ROBO2: variants seen among roughly 807,000 people sequenced by gnomAD.
ROBO2 encodes roundabout homolog 2.
In ROBO2, 53 loss-of-function variants were observed where a neutral mutation model predicts 160.8. The observed-to-expected ratio is 0.33, with a 90% CI of 0.26 to 0.41. ROBO2 has a LOEUF of 0.41. Among genes scored for constraint, ROBO2 ranks in the 10% least tolerant of loss-of-function variants. ROBO2 has a pLI of 1.00. For synonymous variants in ROBO2, 664 were observed against 611.7 expected (o/e 1.09, Z -1.26); for missense variants, 1,577 against 1,722.4 (o/e 0.92, Z 1.49).
intron 5 of ROBO2, among the ~76,000 whole-genome samples, chr3:77,516,437 C>T (rs960767214): frequency 7.3e-5 from 11 of 151,372 alleles, no homozygotes; most frequent in African/African-American, 2.7e-4. Context: ...TTGAAAGCTC[C>T]CTGCCAAAAT....
At chr3:76,713,745 A>G (rs979703947) in intron 2 of ROBO2, among the ~76,000 whole-genome samples, 4 of 152,170 alleles carry the variant, frequency 2.6e-5, no homozygotes, top group Non-Finnish European at 5.9e-5. Context: ...TCTTTATTCA[A>G]CATTAACAAC....
rs555003605 is a variant in ROBO2 at position 76,321,663 on chromosome 3, C to T, written c.109+384061C>T. 2.6e-5 allele frequency among the ~76,000 whole-genome samples: 4 copies of T among 152,290 alleles called. No individual in the cohort carries two copies. The South Asian group carries it at 8.3e-4, about 32-fold the overall frequency. On this transcript the variant is annotated intron_variant, in intron 2 of 26. Coordinates refer to the ROBO2 transcript ENST00000487694. ...ATTTAGGGGACAGTCAAGTAACCTA[C>T]CCCCATTCTAATGGACAGTGTGTTG...
At chr3:76,230,095 G>A (rs573811868) in intron 2 of ROBO2, among the ~76,000 whole-genome samples, 5 of 152,094 alleles carry the variant, frequency 3.3e-5, no homozygotes, top group Non-Finnish European at 7.4e-5. Flanking sequence ...ATGCCATCAG[G>A]TGTCAGCTCC....
At position 76,679,955 on chromosome 3, in the gene ROBO2, G is replaced by T. The variant is rs114709490; in HGVS notation, c.110-418059G>T. Among the ~76,000 whole-genome samples, 295 of 152,272 alleles carry T rather than the reference G, an allele frequency of 1.9e-3. 5 individuals carry two copies. Among genetic ancestry groups the T allele is most frequent in the South Asian group, 3.1e-3 (15 of 4,824 alleles). ...TTCCAGAGCCATTGGGATTAGAGATGCTGGATTTTGTGGTGCTCTGAGTGT... is the reference window on the plus strand; with the variant it reads ...TTCCAGAGCCATTGGGATTAGAGATTCTGGATTTTGTGGTGCTCTGAGTGT... On this transcript the variant is annotated intron_variant, in intron 2 of 26. Coordinates refer to the ROBO2 transcript ENST00000487694.
At chr3:77,602,369 C>G in exon 20 of ROBO2, 1 of 1,614,126 alleles carries the variant, frequency 6.2e-7, no homozygotes, top group Non-Finnish European at 8.5e-7. Context: ...ATCTTGCATT[C>G]CAACAGCATA....
intron 2 of ROBO2, among the ~76,000 whole-genome samples, chr3:76,826,354 A>G (rs1184142072): frequency 1.3e-5 from 2 of 152,094 alleles, no homozygotes; most frequent in Non-Finnish European, 2.9e-5. Flanking sequence ...TGTAGGTGCA[A>G]TGTTGCCCAT....
At chr3:76,163,090 G>A (rs2072700709) in intron 2 of ROBO2, among the ~76,000 whole-genome samples, 2 of 152,062 alleles carry the variant, frequency 1.3e-5, no homozygotes, top group Non-Finnish European at 2.9e-5. Flanking sequence ...CTTTCTTCAT[G>A]AAGGATCATA....
At chr3:77,195,346 TATAAAC>T (rs1286561113) in intron 2 of ROBO2, among the ~76,000 whole-genome samples, 5 of 152,166 alleles carry the variant, frequency 3.3e-5, no homozygotes, top group African/African-American at 4.8e-5. Flanking sequence ...ATTAAGCAGT[TATAAAC>T]AGAATGATGT....
intron 2 of ROBO2, among the ~76,000 whole-genome samples, chr3:76,412,699 G>C (rs753467948): frequency 1.3e-4 from 20 of 152,322 alleles, no homozygotes; most frequent in Non-Finnish European, 1.9e-4. Context: ...GGATTCCCAT[G>C]GTCTTGCACA....
intron 2 of ROBO2, among the ~76,000 whole-genome samples, chr3:76,045,471 G>C (rs2067418796): frequency 6.6e-6 from 1 of 152,002 alleles, no homozygotes; most frequent in South Asian, 2.1e-4. Context: ...GGGAGATTTG[G>C]AGACACAAGT....
chr3:76,478,546 C>T (rs2079051657), intron 2 of ROBO2, among the ~76,000 whole-genome samples: 1 of 152,022 alleles, frequency 6.6e-6, no homozygotes. Context: ...GCAGCTGCTA[C>T]TTCTAAATGG....
intron 2 of ROBO2, among the ~76,000 whole-genome samples, chr3:76,913,727 T>C (rs999137623): frequency 2.0e-5 from 3 of 152,212 alleles, no homozygotes; most frequent in African/African-American, 7.2e-5. Context: ...CCAACTTCTT[T>C]CTAGCGAATA....
At chr3:76,679,356 T>C (rs1232837045) in intron 2 of ROBO2, among the ~76,000 whole-genome samples, 1 of 152,160 alleles carries the variant, frequency 6.6e-6, no homozygotes, top group Non-Finnish European at 1.5e-5. Flanking sequence ...AATCAATGTT[T>C]ATATTTTGTG....
At chr3:76,071,261 T>G (rs975100028) in intron 2 of ROBO2, among the ~76,000 whole-genome samples, 1 of 152,198 alleles carries the variant, frequency 6.6e-6, no homozygotes, top group Non-Finnish European at 1.5e-5. Context: ...GTTCTTTGGA[T>G]TCCCACAAAA....
intron 2 of ROBO2, among the ~76,000 whole-genome samples, chr3:76,517,896 C>A (rs2081417495): frequency 6.6e-6 from 1 of 151,956 alleles, no homozygotes; most frequent in African/African-American, 2.4e-5. Context: ...TTTAAATTAT[C>A]CTTAAAATTA....
chr3:77,331,327 C>A (rs1215933305), intron 2 of ROBO2, among the ~76,000 whole-genome samples: 1 of 152,124 alleles, frequency 6.6e-6, no homozygotes, highest in Non-Finnish European at 1.5e-5. Context: ...CTGCCTAGTG[C>A]CTTAGGGAGA....
At chr3:76,887,987 T>C (rs774494462) in intron 2 of ROBO2, among the ~76,000 whole-genome samples, 1 of 152,166 alleles carries the variant, frequency 6.6e-6, no homozygotes, top group Non-Finnish European at 1.5e-5. Context: ...TCAAAATATT[T>C]TTCTGACTTT....
intron 2 of ROBO2, among the ~76,000 whole-genome samples, chr3:76,577,949 T>C (rs1275757420): frequency 6.6e-6 from 1 of 152,160 alleles, no homozygotes; most frequent in Non-Finnish European, 1.5e-5. Context: ...CTGCCTTCCT[T>C]CCCATGCACT....
intron 2 of ROBO2, among the ~76,000 whole-genome samples, chr3:75,963,624 T>G (rs895837330): frequency 1.3e-5 from 2 of 151,878 alleles, no homozygotes; most frequent in African/African-American, 4.8e-5. Context: ...TTACCAATTA[T>G]GTTAGTTTTC....
Sources: allele counts gnomAD v4.1 joint callset (sites outside exome capture counted in the v4.1 genomes callset), GRCh38; gene constraint gnomAD v4.1.1; transcripts MANE v1.5; gene names NCBI Gene and HGNC (gene_info 2026-07-23, HGNC 2026-07-21).